Variants in STARD9 observed in about 807,000 individuals in gnomAD.
The protein encoded by STARD9 is StAR related lipid transfer domain containing 9.
Under a neutral mutation model 399.8 loss-of-function variants are expected in STARD9, and 346 were observed. The ratio of observed to expected loss-of-function variants is 0.87; its 90% CI spans 0.79 to 0.95. STARD9 has a LOEUF of 0.95. STARD9 is among the 40% of genes least tolerant of loss of function. The pLI is 0.00. For missense variants in STARD9, 5,832 were observed against 5,667.5 expected, an observed-to-expected ratio of 1.03 and a Z score of -0.93; for synonymous variants, 2,203 against 2,143.5, an observed-to-expected ratio of 1.03 and a Z score of -0.77.
At chr15:42,577,569 C>G (rs1158580368) in intron 1 of STARD9, among the ~76,000 whole-genome samples, 5 of 152,204 alleles carry the variant, frequency 3.3e-5, no homozygotes, top group Non-Finnish European at 7.3e-5. Context: ...AAAATGAAAG[C>G]ACAATTTATT....
intron 15 of STARD9, among the ~76,000 whole-genome samples, chr15:42,667,100 C>A (rs916287319): frequency 2.6e-5 from 4 of 151,988 alleles, no homozygotes; most frequent in Admixed American, 6.6e-5. Context: ...CAGGCATGAA[C>A]CACTGTACCT....
chr15:42,627,566 A>G (rs2059250672), intron 3 of STARD9, among the ~76,000 whole-genome samples: 1 of 151,986 alleles, frequency 6.6e-6, no homozygotes. Flanking sequence ...CTTTTTTTGT[A>G]CCCATTAACC....
rs982473036 is a variant in STARD9, at chr15:42,717,014, T to C, written c.13460T>C (p.Leu4487Ser). The C allele has an allele frequency of 1.3e-6, 2 of 1,537,274 alleles. No homozygotes were observed. Among genetic ancestry groups the C allele is most frequent in the Non-Finnish European group, 1.7e-6 (2 of 1,146,904 alleles). The change falls in exon 28 of 33, where the codon TTG (leucine) becomes TCG (serine). Residue 4487 changes from leucine to serine, a missense_variant. This residue lies in a region of STARD9 where 5,828 missense variants were observed against 5,651.1 expected (regional missense o/e 1.03). Transcript: ENST00000290607. ...GTCFSSSYQD[L>S]AKHVVDTSMA... ...TGCTTTTCCTCCTCCTACCAGGATT[T>C]GGCCAAGCATGTCGTGGACACTTCT...
At chr15:42,710,496 C>T (rs1489486108) in intron 26 of STARD9, among the ~76,000 whole-genome samples, 1 of 152,148 alleles carries the variant, frequency 6.6e-6, no homozygotes, top group Non-Finnish European at 1.5e-5. Context: ...TCACCATTCC[C>T]CAGCCCTTGG....
At chr15:42,605,644 C>T (rs1270547643) in intron 3 of STARD9, among the ~76,000 whole-genome samples, 1 of 152,192 alleles carries the variant, frequency 6.6e-6, no homozygotes, top group Non-Finnish European at 1.5e-5. Context: ...AACTTTATTT[C>T]CCAATTCTTG....
intron 9 of STARD9, among the ~76,000 whole-genome samples, chr15:42,654,211 G>C (rs1242916546): frequency 6.6e-6 from 1 of 152,012 alleles, no homozygotes; most frequent in East Asian, 1.9e-4. Flanking sequence ...ATGAGACACA[G>C]AAAAAAGAAA....
At position 42,700,844 on chromosome 15, in the gene STARD9, C is replaced by T. The variant is rs561742486; in HGVS notation, c.13284+4964C>T. ...AGGTCTTGTCCAAAAATTCCTTTCCCAGTCCAATGTCATAAAGCATTTCTC... is the reference window on the plus strand; with the variant it reads ...AGGTCTTGTCCAAAAATTCCTTTCCTAGTCCAATGTCATAAAGCATTTCTC... On this transcript the variant is annotated intron_variant, in intron 26 of 32. Coordinates refer to ENST00000290607, the MANE Select transcript of STARD9 (RefSeq NM_020759.3). Among the ~76,000 whole-genome samples, 4 of 152,228 alleles carry T rather than the reference C, an allele frequency of 2.6e-5. No individual in the cohort carries two copies. The South Asian group carries it at 8.3e-4, about 32-fold the overall frequency.
At chr15:42,584,088 G>A (rs1281969632) in intron 2 of STARD9, among the ~76,000 whole-genome samples, 3 of 151,896 alleles carry the variant, frequency 2.0e-5, no homozygotes, top group Admixed American at 6.6e-5. Flanking sequence ...CTTTCTTTCT[G>A]GGCCTTGGGG....
At chr15:42,585,660 T>C (rs1054227188) in intron 3 of STARD9, 23 bp downstream of exon 3, 2 of 1,407,408 alleles carry the variant, frequency 1.4e-6, no homozygotes, top group African/African-American at 2.8e-5. Flanking sequence ...ATCATTTTTC[T>C]TTCACCTCAG....
rs1595795727 is a variant in STARD9 at position 42,695,740 on chromosome 15, C to A, written c.13147-3C>A. The stretch of plus-strand genomic sequence containing the variant: ...CTGGTTAATGGTGATTTGTCCTTCC[C>A]AGGAAGAGGATAAACTACATACCTT... On this transcript the variant is annotated splice_region_variant and splice_polypyrimidine_tract_variant and intron_variant, in intron 25 of 32. Coordinates refer to ENST00000290607, the MANE Select transcript of STARD9 (RefSeq NM_020759.3). The A allele has an allele frequency of 6.5e-7, 1 of 1,536,616 alleles. No individual in the cohort carries two copies. Among genetic ancestry groups the A allele is most frequent in the African/African-American group, 1.4e-5 (1 of 73,144 alleles).
intron 16 of STARD9, chr15:42,669,583 A>G: frequency 2.8e-6 from 1 of 358,282 alleles, no homozygotes; most frequent in Middle Eastern, 7.5e-4. Flanking sequence ...TGTTGTTCTT[A>G]TGTAACTTAC....
At position 42,717,061 on chromosome 15, in the gene STARD9, T is replaced by G. The variant is rs779562017; in HGVS notation, c.13494+13T>G. On this transcript the variant is annotated intron_variant, in intron 28 of 32. Coordinates refer to ENST00000290607, the MANE Select transcript of STARD9 (RefSeq NM_020759.3). ...TTCTATGGCTGATGTGAGTAACTGCTCCCACCCATCCCTACCATTCCTTTA... is the reference window on the plus strand; with the variant it reads ...TTCTATGGCTGATGTGAGTAACTGCGCCCACCCATCCCTACCATTCCTTTA... The G allele has an allele frequency of 6.5e-7, 1 of 1,536,904 alleles. No homozygotes were observed. Among genetic ancestry groups the G allele is most frequent in the Non-Finnish European group, 8.7e-7 (1 of 1,146,822 alleles).
chr15:42,584,853 TAGAAA>T (rs2058243489), intron 2 of STARD9, among the ~76,000 whole-genome samples: 1 of 152,124 alleles, frequency 6.6e-6, no homozygotes, highest in Non-Finnish European at 1.5e-5. Flanking sequence ...CAGAAATACT[TAGAAA>T]AGAAATAATA....
At position 42,701,421 on chromosome 15, in the gene STARD9, C is replaced by T. The variant is rs572174634; in HGVS notation, c.13284+5541C>T. Among the ~76,000 whole-genome samples, 13 of 152,180 alleles carry T rather than the reference C, an allele frequency of 8.5e-5. No individual in the cohort carries two copies. The South Asian group carries it at 1.7e-3, about 19-fold the overall frequency. On this transcript the variant is annotated intron_variant, in intron 26 of 32. Transcript: ENST00000290607. ...CATGTCATCTTTAATTTCTTTCATC[C>T]GTGTTTTACGGTTTTCGTTGTAGAG...
Position 42,688,401 on chromosome 15 carries a change from G to A in STARD9, c.6823G>A (p.Val2275Ile), listed in dbSNP as rs1307773621. 4 of 1,537,454 alleles carry A rather than the reference G, an allele frequency of 2.6e-6. No homozygotes were observed. Among genetic ancestry groups the A allele is most frequent in the Non-Finnish European group, 3.5e-6 (4 of 1,147,010 alleles). The stretch of plus-strand genomic sequence containing the variant: ...AGAAGAGCCAAAAGCTCAAGGTAAA[G>A]TTGAAGAAATGCCTATGCAAAGGGG... The part of the protein sequence containing the change: ...NQEEPKAQGK[V>I]EEMPMQRGGS... Residue 2275 changes from valine to isoleucine, a missense_variant, in exon 23 of 33, where the codon GTT (valine) becomes ATT (isoleucine). Physicochemically the swap from Val to Ile is conservative, Grantham distance 29 (BLOSUM62 3). Coordinates refer to ENST00000290607, the MANE Select transcript of STARD9 (RefSeq NM_020759.3).
intron 3 of STARD9, among the ~76,000 whole-genome samples, chr15:42,607,193 G>T (rs1181169483): frequency 4.4e-4 from 14 of 31,692 alleles, no homozygotes; most frequent in South Asian, 1.5e-3. Context: ...TTTTTCTGGT[G>T]CTTTTTTTTT....
At chr15:42,708,404 T>TA (rs1566963257) in intron 26 of STARD9, among the ~76,000 whole-genome samples, 1 of 152,212 alleles carries the variant, frequency 6.6e-6, no homozygotes, top group Non-Finnish European at 1.5e-5. Flanking sequence ...ATGGTTGTGT[T>TA]CCCACTACAG....
In STARD9 at chr15:42,688,342, G is replaced by A; in HGVS notation, c.6764G>A (p.Ser2255Asn). The A allele has an allele frequency of 6.5e-7, 1 of 1,537,396 alleles. No homozygotes were observed. The highest frequency in any genetic ancestry group is 1.4e-5 in the African/African-American group (1 of 73,180). ...ELETVKGFQE[S>N]QVAEHVSSSN... ...GAGACTGTGAAAGGTTTTCAGGAAAGCCAAGTAGCTGAACACGTAAGTAGT... is the reference window on the plus strand; with the variant it reads ...GAGACTGTGAAAGGTTTTCAGGAAAACCAAGTAGCTGAACACGTAAGTAGT... Residue 2255 changes from serine (S) to asparagine (N), a missense_variant, in exon 23 of 33, where the codon AGC becomes AAC. Coordinates refer to ENST00000290607, the MANE Select transcript of STARD9 (RefSeq NM_020759.3).
rs1386872611 is a variant in STARD9 at position 42,686,576 on chromosome 15, C to T, written c.4998C>T (p.Asp1666=). 30 of 1,537,344 alleles carry T rather than the reference C, an allele frequency of 2.0e-5. No individual in the cohort carries two copies. The highest frequency in any genetic ancestry group is 2.4e-5 in the Non-Finnish European group (28 of 1,146,998). ...HSNVTTATKA[D]HWSQGWAPLR... The stretch of plus-strand genomic sequence containing the variant: ...ATGTCACTACAGCCACCAAAGCAGA[C>T]CATTGGTCCCAAGGCTGGGCTCCTC... The change falls in exon 23 of 33, where the codon GAC becomes GAT. Residue 1666 remains aspartate (D), a synonymous_variant. Coordinates refer to ENST00000290607, the MANE Select transcript of STARD9 (RefSeq NM_020759.3).
Sources: gnomAD v4.1 joint callset for allele counts (sites outside exome capture counted in the v4.1 genomes callset) on GRCh38, gnomAD v4.1.1 for gene constraint, gnomAD v4.1.1 regional missense constraint, MANE v1.5 for transcripts, NCBI Gene and HGNC (gene_info 2026-07-23, HGNC 2026-07-21) for gene names.